The following TMEM63A variants were observed in gnomAD, a reference collection of about 807,000 sequenced individuals.
The protein encoded by TMEM63A is transmembrane protein 63A, also known as mechanosensitive cation channel TMEM63A.
Under a neutral mutation model 100.6 loss-of-function variants are expected in TMEM63A, and 76 were observed. The ratio of observed to expected loss-of-function variants is 0.76; its 90% CI spans 0.63 to 0.91. TMEM63A has a LOEUF of 0.91. Ranked by LOEUF, TMEM63A falls within the 40% of genes least tolerant of loss-of-function variation. The pLI is 0.00. For synonymous variants in TMEM63A, 401 were observed against 401.1 expected (o/e 1.00, Z 0.00); for missense variants, 876 against 1,008.8 (o/e 0.87, Z 1.78).
At chr1:225,870,058 C>T (rs891602892) in intron 6 of TMEM63A, among the ~76,000 whole-genome samples, 1 of 152,028 alleles carries the variant, frequency 6.6e-6, no homozygotes, top group African/African-American at 2.4e-5. Context: ...TATAAAATAA[C>T]ATGCACCTGG....
At chr1:225,881,197 C>T (rs1408321502) in intron 1 of TMEM63A, among the ~76,000 whole-genome samples, 1 of 152,222 alleles carries the variant, frequency 6.6e-6, no homozygotes, top group Non-Finnish European at 1.5e-5. Flanking sequence ...CAGTGTGGCT[C>T]AGGGATTATG....
At position 225,872,065 on chromosome 1, in the gene TMEM63A, A is replaced by G. The variant is rs753467199; in HGVS notation, c.267-12T>C. 1 of 1,584,438 alleles carries G rather than the reference A, an allele frequency of 6.3e-7. No homozygotes were observed. Among genetic ancestry groups the G allele is most frequent in the Non-Finnish European group, 8.6e-7 (1 of 1,162,438 alleles). ...GAAATCTGGACTCGCTAGAGACACA[A>G]AAAGAAAAAAAATGACAGATAATTC... is the stretch of plus-strand genomic sequence containing the variant. On this transcript the variant is annotated splice_polypyrimidine_tract_variant and intron_variant, in intron 4 of 24. Coordinates refer to ENST00000366835, the MANE Select transcript of TMEM63A (RefSeq NM_014698.3).
Position 225,862,310 on chromosome 1 carries a change from C to T in TMEM63A, c.993G>A (p.Leu331=), listed in dbSNP as rs1460934576. Residue 331 remains leucine, a synonymous_variant, in exon 13 of 25, where the codon CTG becomes CTA. Coordinates refer to ENST00000366835, the MANE Select transcript of TMEM63A (RefSeq NM_014698.3). This position sits in a 1 kb window ranked among gnomAD's most constrained non-coding sequence, Gnocchi z 5.1. ...GTTCTTCCTCTGTGATCCTCTCCAG[C>T]AGCCTGTCCTTCATCCGTGTGTAGT... ...ISYYTRMKDR[L]LERITEEERH... The T allele has an allele frequency of 6.2e-7, 1 of 1,614,224 alleles. No individual in the cohort carries two copies. The highest frequency in any genetic ancestry group is 1.1e-5 in the South Asian group (1 of 91,092).
chr1:225,874,772 C>A (rs1670693144), intron 3 of TMEM63A, among the ~76,000 whole-genome samples: 1 of 152,212 alleles, frequency 6.6e-6, no homozygotes, highest in Admixed American at 6.5e-5. Flanking sequence ...GAACCAGCAT[C>A]CTTCTTCACT....
At chr1:225,856,885 G>A (rs1227966490) in intron 16 of TMEM63A, 26 bp downstream of exon 16, 3 of 1,605,408 alleles carry the variant, frequency 1.9e-6, no homozygotes, top group African/African-American at 2.7e-5. Context: ...CTTAGGGGCA[G>A]GGCCTCGGGG....
chr1:225,859,002 C>A (rs941004641), intron 15 of TMEM63A, among the ~76,000 whole-genome samples, 194 bp downstream of exon 15: 2 of 134,324 alleles, frequency 1.5e-5, no homozygotes, highest in African/African-American at 5.9e-5. Context: ...GTGTGTATGG[C>A]ATTACTATAA....
chr1:225,878,638 G>A (rs1670932598), intron 2 of TMEM63A, among the ~76,000 whole-genome samples: 1 of 152,168 alleles, frequency 6.6e-6, no homozygotes, highest in African/African-American at 2.4e-5. Context: ...ATTCAGCCTG[G>A]ACTTGCTTAA....
At position 225,859,265 on chromosome 1, in the gene TMEM63A, C is replaced by A; in HGVS notation, c.1308G>T (p.Leu436=). 1 of 1,614,060 alleles carries A rather than the reference C, an allele frequency of 6.2e-7. No individual in the cohort carries two copies. Among genetic ancestry groups the A allele is most frequent in the East Asian group, 2.2e-5 (1 of 44,868 alleles). The change falls in exon 15 of 25, where the codon CTG becomes CTT. Residue 436 remains leucine, a synonymous_variant. Transcript: ENST00000366835. ...TGGACAGGATGATGGAGGGTGTGGT[C>A]AGGAAAAATAGCCCCAGGAAGAGGG... is the stretch of plus-strand genomic sequence containing the variant. ...NFTLFLGLFF[L]TTPSIILSTM... is the part of the protein sequence containing the mutation.
At chr1:225,849,366 A>G (rs1297735539) in intron 21 of TMEM63A, among the ~76,000 whole-genome samples, 2 of 152,058 alleles carry the variant, frequency 1.3e-5, no homozygotes, top group African/African-American at 4.8e-5. Context: ...CCACACCCCC[A>G]GTCTGACCGG....
downstream of TMEM63A, chr1:225,844,490 G>T: frequency 2.5e-6 from 4 of 1,614,046 alleles, no homozygotes; most frequent in Non-Finnish European, 3.4e-6. Context: ...TGTGTTCTGC[G>T]TTCCCAGGAA....
At chr1:225,858,946 TAA>T (rs1269435478) in intron 15 of TMEM63A, among the ~76,000 whole-genome samples, 1 of 138,270 alleles carries the variant, frequency 7.2e-6, no homozygotes, top group African/African-American at 2.7e-5. Context: ...TATATACATA[TAA>T]TGTGTGTGTG....
At chr1:225,857,466 C>G (rs911509810) in intron 15 of TMEM63A, among the ~76,000 whole-genome samples, 2 of 150,732 alleles carry the variant, frequency 1.3e-5, no homozygotes, top group Non-Finnish European at 2.9e-5. Context: ...TGTCCACAAT[C>G]CTGCTGTTTG....
chr1:225,862,680 G>A lies in TMEM63A; in HGVS notation c.827+91C>T, dbSNP rs1670004409. ...CATCGAACGCCAGGGGAGAAGGAGG[G>A]GTCCAGGGCCTCCCGCCTCCCTTCC... is the stretch of plus-strand genomic sequence containing the variant. On this transcript the variant is annotated intron_variant, in intron 11 of 24. Transcript: ENST00000366835. This position sits in a 1 kb window ranked among gnomAD's most constrained non-coding sequence, Gnocchi z 5.1. 7 of 1,604,478 alleles carry A rather than the reference G, an allele frequency of 4.4e-6. No individual in the cohort carries two copies. The highest frequency in any genetic ancestry group is 3.3e-5 in the South Asian group (3 of 90,576).
intron 8 of TMEM63A, 87 bp from the exon 9 acceptor site, chr1:225,866,769 G>A (rs1670236673): frequency 8.3e-7 from 1 of 1,205,370 alleles, no homozygotes; most frequent in Non-Finnish European, 1.2e-6. Flanking sequence ...CCCTCAGTGG[G>A]CACTGAACTG....
downstream of TMEM63A, chr1:225,845,302 C>T (rs369982089): frequency 6.3e-5 from 101 of 1,612,494 alleles, no homozygotes; most frequent in Middle Eastern, 1.5e-3. Context: ...CGGAGCTGCT[C>T]GCCCAGGACA....
Position 225,855,624 on chromosome 1 carries a change from A to T in TMEM63A, c.1634+254T>A, listed in dbSNP as rs1669575377. 2.6e-5 allele frequency among the ~76,000 whole-genome samples: 4 copies of T among 152,172 alleles called. No individual in the cohort carries two copies. The South Asian group carries it at 8.3e-4, about 32-fold the overall frequency. On this transcript the variant is annotated intron_variant, in intron 18 of 24. Transcript: ENST00000366835. ...CTCAGTAAGTTTCAATGAATGAGAC[A>T]GCTGCTAATTGAGTTCTGGCCTAAA...
chr1:225,859,133 C>T (rs2102614987), intron 15 of TMEM63A, 63 bp downstream of exon 15: 6 of 1,609,200 alleles, frequency 3.7e-6, no homozygotes, highest in East Asian at 4.5e-5. Flanking sequence ...CACTCCTTCC[C>T]CACCCACCAA....
intron 15 of TMEM63A, among the ~76,000 whole-genome samples, chr1:225,857,787 G>C (rs972604512): frequency 6.6e-6 from 1 of 152,196 alleles, no homozygotes; most frequent in African/African-American, 2.4e-5. Flanking sequence ...TTGATGTAAA[G>C]TAGACAAAGG....
rs747714894 is a variant in TMEM63A at position 225,848,998 on chromosome 1, C to CGGGG, written c.2082_2085dup (p.Ala696ProfsTer42). ...AGCACCAGGAAGGTGAACAGAGTGG[C>CGGGG]GGGGGCCTTCATACCTGGTGATAGA... On this transcript the variant is annotated frameshift_variant, in exon 22 of 25. Coordinates refer to ENST00000366835, the MANE Select transcript of TMEM63A (RefSeq NM_014698.3). LOFTEE classifies it high-confidence loss of function. 3.0e-6 allele frequency: 4 copies of CGGGG among 1,313,644 alleles called. No homozygotes were observed. The highest frequency in any genetic ancestry group is 4.0e-6 in the Non-Finnish European group (4 of 991,828). The allele number at this position is 1,313,644 out of a possible 1,614,324, so 81.4% of individuals were successfully genotyped here. A position where few individuals can be genotyped will look rare whatever the true frequency, so the allele number is the denominator to read the frequency against.
Sources: allele counts gnomAD v4.1 joint callset (sites outside exome capture counted in the v4.1 genomes callset), GRCh38; gene constraint gnomAD v4.1.1; non-coding constraint Gnocchi (gnomAD v3.1); transcripts MANE v1.5; gene names NCBI Gene and HGNC (gene_info 2026-07-23, HGNC 2026-07-21).